Variants in GPC5 observed in about 807,000 individuals in gnomAD.
GPC5 encodes the protein glypican 5.
In GPC5, 47 loss-of-function variants were observed where a neutral mutation model predicts 53.9. The observed-to-expected ratio is 0.87, with a 90% CI of 0.69 to 1.11. GPC5 has a LOEUF of 1.11. GPC5 is among the 50% of genes most tolerant of loss of function. GPC5 has a pLI of 0.00. For synonymous variants in GPC5, 286 were observed against 263.3 expected (o/e 1.09, Z -0.84); for missense variants, 748 against 713.1 (o/e 1.05, Z -0.56).
intron 7 of GPC5, among the ~76,000 whole-genome samples, chr13:92,403,410 A>G (rs929624686): frequency 1.3e-5 from 2 of 152,206 alleles, no homozygotes; most frequent in African/African-American, 4.8e-5. Flanking sequence ...CACAGGAGGT[A>G]AGCAGCCAGC....
intron 7 of GPC5, among the ~76,000 whole-genome samples, chr13:92,386,572 T>C (rs1874735832): frequency 6.6e-6 from 1 of 152,056 alleles, no homozygotes; most frequent in African/African-American, 2.4e-5. Context: ...ACAATAGTCA[T>C]TTCATAAAAG....
chr13:91,496,114 T>G (rs1884248813), intron 2 of GPC5, among the ~76,000 whole-genome samples: 2 of 150,474 alleles, frequency 1.3e-5, no homozygotes, highest in Admixed American at 6.6e-5. Context: ...AAGTGCAATA[T>G]TAGTATTAAG....
At chr13:91,854,923 G>T (rs1294592060) in intron 5 of GPC5, among the ~76,000 whole-genome samples, 3 of 151,578 alleles carry the variant, frequency 2.0e-5, no homozygotes, top group African/African-American at 4.8e-5. Flanking sequence ...TGAGAATTCA[G>T]CACTTTCAAG....
chr13:91,566,396 T>C (rs2031530775), intron 2 of GPC5, among the ~76,000 whole-genome samples: 1 of 152,078 alleles, frequency 6.6e-6, no homozygotes, highest in Non-Finnish European at 1.5e-5. Context: ...AAACCCTGTT[T>C]CTACTAAAAT....
At chr13:92,606,904 C>T (rs1248753778) in intron 7 of GPC5, among the ~76,000 whole-genome samples, 1 of 152,108 alleles carries the variant, frequency 6.6e-6, no homozygotes, top group Non-Finnish European at 1.5e-5. Flanking sequence ...AGCAATTACT[C>T]CACATGCGCT....
intron 7 of GPC5, among the ~76,000 whole-genome samples, chr13:92,278,070 C>G (rs879712022): frequency 6.6e-6 from 1 of 151,682 alleles, no homozygotes; most frequent in Non-Finnish European, 1.5e-5. Context: ...TCCTAGCACT[C>G]TCAAGAAAGA....
chr13:92,731,930 A>G (rs1888816737), intron 7 of GPC5, among the ~76,000 whole-genome samples: 2 of 151,532 alleles, frequency 1.3e-5, no homozygotes, highest in Admixed American at 6.6e-5. Context: ...AAATTATCAG[A>G]TGAAAGAGGT....
intron 2 of GPC5, among the ~76,000 whole-genome samples, chr13:91,671,804 A>C (rs1017052119): frequency 1.5e-4 from 21 of 143,494 alleles, no homozygotes; most frequent in African/African-American, 3.9e-4. Flanking sequence ...AAAAAAAAAA[A>C]ACGAAACTGG....
At chr13:92,454,910 T>C (rs1878200876) in intron 7 of GPC5, among the ~76,000 whole-genome samples, 1 of 152,244 alleles carries the variant, frequency 6.6e-6, no homozygotes, top group Non-Finnish European at 1.5e-5. Flanking sequence ...ATGAGCTTAA[T>C]TCTGTTATTC....
intron 7 of GPC5, among the ~76,000 whole-genome samples, chr13:92,495,861 A>G (rs958332965): frequency 3.3e-5 from 5 of 152,026 alleles, no homozygotes; most frequent in African/African-American, 1.2e-4. Flanking sequence ...CTTCAGGTCC[A>G]TTCGTCTAAA....
intron 6 of GPC5, among the ~76,000 whole-genome samples, chr13:91,939,186 T>A (rs1242512371): frequency 6.6e-6 from 1 of 152,082 alleles, no homozygotes; most frequent in Non-Finnish European, 1.5e-5. Flanking sequence ...TGTAAAAAAA[T>A]TATCCATCTT....
intron 6 of GPC5, among the ~76,000 whole-genome samples, chr13:92,128,833 T>C (rs772349102): frequency 6.6e-5 from 10 of 152,096 alleles, no homozygotes; most frequent in Non-Finnish European, 1.3e-4. Flanking sequence ...CGTGGTGGTG[T>C]GCACCTGCAG....
intron 2 of GPC5, among the ~76,000 whole-genome samples, chr13:91,475,980 A>G (rs975344668): frequency 2.6e-5 from 4 of 152,230 alleles, no homozygotes; most frequent in African/African-American, 9.6e-5. Context: ...GGCTGGAAAT[A>G]AACGAATCTG....
At chr13:92,456,446 T>C (rs1878270705) in intron 7 of GPC5, among the ~76,000 whole-genome samples, 2 of 152,210 alleles carry the variant, frequency 1.3e-5, no homozygotes, top group Admixed American at 1.3e-4. Flanking sequence ...CTTCCTTTCC[T>C]TCAGCACCTC....
chr13:91,707,300 G>A (rs536727310), intron 3 of GPC5, among the ~76,000 whole-genome samples: 15 of 144,150 alleles, frequency 1.0e-4, no homozygotes, highest in Non-Finnish European at 2.2e-4. Context: ...GTGAGATGCC[G>A]CTTCACACTG....
intron 2 of GPC5, among the ~76,000 whole-genome samples, chr13:91,618,665 T>TA (rs563902328): frequency 3.6e-3 from 535 of 147,370 alleles, no homozygotes; most frequent in African/African-American, 0.012. Context: ...TTTTTTTTTT[T>TA]ATCAGCTCAC....
intron 7 of GPC5, among the ~76,000 whole-genome samples, chr13:92,224,486 GC>G (rs1199280093): frequency 6.6e-6 from 1 of 152,216 alleles, no homozygotes; most frequent in Admixed American, 6.5e-5. Flanking sequence ...AAACAGGCCT[GC>G]CTGCAAGGCT....
At chr13:92,462,166 A>T (rs1005718596) in intron 7 of GPC5, among the ~76,000 whole-genome samples, 2 of 152,196 alleles carry the variant, frequency 1.3e-5, no homozygotes, top group Non-Finnish European at 2.9e-5. Flanking sequence ...TTGAGCAAAA[A>T]GACTGATGTG....
intron 7 of GPC5, among the ~76,000 whole-genome samples, chr13:92,360,284 A>C (rs960448835): frequency 6.6e-6 from 1 of 151,640 alleles, no homozygotes; most frequent in Non-Finnish European, 1.5e-5. Flanking sequence ...CATCATAATC[A>C]AGTAGGCTTT....
Sources: gnomAD v4.1 joint callset for allele counts (sites outside exome capture counted in the v4.1 genomes callset) on GRCh38, gnomAD v4.1.1 for gene constraint, MANE v1.5 for transcripts, NCBI Gene and HGNC (gene_info 2026-07-23, HGNC 2026-07-21) for gene names.